The following UNC5A variants were observed in gnomAD, a reference collection of about 807,000 sequenced individuals.
UNC5A encodes unc-5 netrin receptor A, also known as netrin receptor UNC5A.
Under a neutral mutation model 87.4 loss-of-function variants are expected in UNC5A, and 20 were observed. That is an observed-to-expected ratio of 0.23 (90% CI 0.16 to 0.33). The LOEUF (loss-of-function observed/expected upper bound fraction) is 0.33, where lower values mean the gene tolerates loss of function less well. Among genes scored for constraint, UNC5A ranks in the 10% least tolerant of loss-of-function variants. The pLI, the probability that UNC5A is intolerant of heterozygous loss-of-function variation, is 1.00. For synonymous variants in UNC5A, 438 were observed against 482.3 expected (o/e 0.91, Z 1.20); for missense variants, 844 against 1,133.4 (o/e 0.74, Z 3.67).
intron 2 of UNC5A, among the ~76,000 whole-genome samples, chr5:176,867,072 T>C (rs1033838064): frequency 1.3e-5 from 2 of 152,214 alleles, no homozygotes; most frequent in African/African-American, 4.8e-5. Context: ...GCGGCCGCTC[T>C]TCCCGCAATG....
chr5:176,811,678 TG>T (rs1205179507), intron 1 of UNC5A, among the ~76,000 whole-genome samples: 1 of 152,098 alleles, frequency 6.6e-6, no homozygotes, highest in Admixed American at 6.5e-5. Flanking sequence ...GGCTGAGCTG[TG>T]GGGGCCTCCT....
At chr5:176,849,589 A>G (rs1757491265) in intron 1 of UNC5A, among the ~76,000 whole-genome samples, 1 of 152,216 alleles carries the variant, frequency 6.6e-6, no homozygotes, top group African/African-American at 2.4e-5. Flanking sequence ...AATTAAAAAA[A>G]TGGTGCACCT....
At chr5:176,849,892 T>C (rs1250406470) in intron 1 of UNC5A, among the ~76,000 whole-genome samples, 2 of 152,210 alleles carry the variant, frequency 1.3e-5, no homozygotes, top group African/African-American at 4.8e-5. Context: ...CTCTTGGAGC[T>C]TGTGGCAAGT....
At chr5:176,828,618 C>T (rs188182254) in intron 1 of UNC5A, among the ~76,000 whole-genome samples, 1 of 152,356 alleles carries the variant, frequency 6.6e-6, no homozygotes, top group Non-Finnish European at 1.5e-5. Context: ...AGCAGCCTGT[C>T]ACTCTCTGCT....
In UNC5A at chr5:176,862,643, C is replaced by T. The variant is rs756611268; in HGVS notation, c.90C>T (p.Thr30=). 15 of 1,613,324 alleles carry T rather than the reference C, an allele frequency of 9.3e-6. No homozygotes were observed. Among genetic ancestry groups the T allele is most frequent in the African/African-American group, 2.7e-5 (2 of 74,936 alleles). The change falls in exon 2 of 15, where the codon ACC becomes ACT. Residue 30 remains threonine, a synonymous_variant. Transcript: ENST00000329542. ...CCGCAGGTGCCCAGCAGAGTGCCAC[C>T]GTGGCCAACCCAGTGCCTGGTGCCA... The part of the protein sequence containing the change: ...LRGSGAQQSA[T]VANPVPGANP...
At position 176,866,322 on chromosome 5, in the gene UNC5A, C is replaced by A. The variant is rs1442558796; in HGVS notation, c.293-1808C>A. Among the ~76,000 whole-genome samples the A allele has an allele frequency of 2.0e-5, 3 of 152,198 alleles. No homozygotes were observed. The highest frequency in any genetic ancestry group is 2.0e-4 in the Admixed American group (3 of 15,288). Reference sequence around the variant, plus strand: ...TCCAGGAGCTTGTGGGGCTGAAGGGCACCCCTCACCAAGGCACTGCGTGGA... The same window carrying A: ...TCCAGGAGCTTGTGGGGCTGAAGGGAACCCCTCACCAAGGCACTGCGTGGA... On this transcript the variant is annotated intron_variant, in intron 2 of 14. Transcript: ENST00000329542. The surrounding 1 kb of genome is among the most constrained non-coding windows in gnomAD (Gnocchi z 5.0).
chr5:176,857,874 T>C (rs1481828135), intron 1 of UNC5A, among the ~76,000 whole-genome samples: 1 of 152,204 alleles, frequency 6.6e-6, no homozygotes, highest in Non-Finnish European at 1.5e-5. Flanking sequence ...TCACGTCCCT[T>C]GCCAGTGGGA....
Position 176,868,981 on chromosome 5 carries a change from C to T in UNC5A, c.721+17C>T, listed in dbSNP as rs575283763. 1 of 1,583,170 alleles carries T rather than the reference C, an allele frequency of 6.3e-7. No homozygotes were observed. The highest frequency in any genetic ancestry group is 2.3e-5 in the East Asian group (1 of 44,442). ...TCGTCTACGGTGGGCCCCGGGACTC[C>T]CTGGTCACAGGGAGAGGCACTGCGG... On this transcript the variant is annotated intron_variant, in intron 5 of 14. Transcript: ENST00000329542.
intron 1 of UNC5A, among the ~76,000 whole-genome samples, chr5:176,812,432 AG>A (rs1204788603): frequency 6.6e-6 from 1 of 152,222 alleles, no homozygotes; most frequent in Middle Eastern, 3.4e-3. Flanking sequence ...CCGGGTAACC[AG>A]GGGGGTTGGC....
At position 176,824,680 on chromosome 5, in the gene UNC5A, C is replaced by A. The variant is rs796274075; in HGVS notation, c.70+13860C>A. On this transcript the variant is annotated intron_variant, in intron 1 of 14. Coordinates refer to ENST00000329542, the MANE Select transcript of UNC5A (RefSeq NM_133369.3). This position sits in a 1 kb window ranked among gnomAD's most constrained non-coding sequence, Gnocchi z 4.2. ...TTTTCCTGGGTGGCTGGGGCTGGAA[C>A]CTGGATGCCACTTTGGCAGATGAAC... Among the ~76,000 whole-genome samples, 2 of 152,340 alleles carry A rather than the reference C, an allele frequency of 1.3e-5. No individual in the cohort carries two copies. Among genetic ancestry groups the A allele is most frequent in the East Asian group, 1.9e-4 (1 of 5,186 alleles).
rs2962829 is a variant in UNC5A at position 176,830,868 on chromosome 5, G to A, written c.70+20048G>A. Among the ~76,000 whole-genome samples the A allele has an allele frequency of 5.1e-3, 735 of 145,166 alleles. 4 individuals carry two copies. The highest frequency in any genetic ancestry group is 0.018 in the African/African-American group (700 of 39,594). ...TGTGTGTGCTGGCGTGTGTGTGTGC[G>A]CTGGTGTGTGTGTGGGTGTATGTGC... On this transcript the variant is annotated intron_variant, in intron 1 of 14. Coordinates refer to ENST00000329542, the MANE Select transcript of UNC5A (RefSeq NM_133369.3).
At chr5:176,861,728 A>G (rs79492074) in intron 1 of UNC5A, among the ~76,000 whole-genome samples, 1,901 of 152,292 alleles carry the variant, frequency 0.012, 46 homozygotes, top group African/African-American at 0.044. Flanking sequence ...CACTAAGATG[A>G]GCAGAATAGA....
intron 1 of UNC5A, among the ~76,000 whole-genome samples, chr5:176,837,125 C>A (rs188488304): frequency 8.5e-4 from 130 of 152,266 alleles, no homozygotes; most frequent in Admixed American, 2.4e-3. Flanking sequence ...CAGTCCCTCA[C>A]CCCCATTGCT....
In UNC5A at chr5:176,869,815, C is replaced by T. The variant is rs1016992257; in HGVS notation, c.722-555C>T. 1.7e-6 allele frequency: 1 copy of T among 585,210 alleles called. No homozygotes were observed. The allele number at this position is 585,210 out of a possible 1,614,324, so 36.3% of individuals were successfully genotyped here. ...GGCCACCGCCTCCCGCATCGTTCCT[C>T]ACCACGCCATCTCCGTGCCCTGGCT... On this transcript the variant is annotated intron_variant, in intron 5 of 14. Transcript: ENST00000329542. The surrounding 1 kb of genome is among the most constrained non-coding windows in gnomAD (Gnocchi z 9.1).
chr5:176,813,197 G>C (rs920335078), intron 1 of UNC5A, among the ~76,000 whole-genome samples: 1 of 152,210 alleles, frequency 6.6e-6, no homozygotes, highest in Admixed American at 6.5e-5. Context: ...CACGCAGCTG[G>C]CATGCAAACC....
rs139330841 is a variant in UNC5A, at chr5:176,865,845, C to G, written c.293-2285C>G. 0.025 allele frequency: 8,762 copies of G among 355,414 alleles called. 213 individuals are homozygous for G. Among genetic ancestry groups the G allele is most frequent in the South Asian group, 0.05 (2,388 of 48,080 alleles). The allele number at this position is 355,414 out of a possible 1,614,324, so 22.0% of individuals were successfully genotyped here. A position where few individuals can be genotyped will look rare whatever the true frequency, so the allele number is the denominator to read the frequency against. On this transcript the variant is annotated intron_variant, in intron 2 of 14. Transcript: ENST00000329542. The surrounding 1 kb of genome is among the most constrained non-coding windows in gnomAD (Gnocchi z 5.3). ...CCTCTCGTTTGCCCTCATTCCTCAC[C>G]CAGAAGGCCAGGGGGCAGGGACCAA...
intron 6 of UNC5A, among the ~76,000 whole-genome samples, chr5:176,872,597 A>C (rs1246128129): frequency 7.6e-6 from 1 of 132,272 alleles, no homozygotes; most frequent in Non-Finnish European, 1.6e-5. Context: ...CCAACACCAC[A>C]GCTTCCCATC....
intron 1 of UNC5A, among the ~76,000 whole-genome samples, chr5:176,843,832 C>T (rs1757338079): frequency 6.6e-6 from 1 of 152,216 alleles, no homozygotes; most frequent in African/African-American, 2.4e-5. Context: ...GCCGTCTTGC[C>T]CAGCCCTGGC....
intron 1 of UNC5A, among the ~76,000 whole-genome samples, chr5:176,817,459 G>C (rs528122609): frequency 1.3e-3 from 201 of 152,268 alleles, no homozygotes; most frequent in African/African-American, 4.5e-3. Flanking sequence ...GGGTCTACGG[G>C]AGTACTCCCT....
Sources: allele counts gnomAD v4.1 joint callset (sites outside exome capture counted in the v4.1 genomes callset), GRCh38; gene constraint gnomAD v4.1.1; non-coding constraint Gnocchi (gnomAD v3.1); transcripts MANE v1.5; gene names NCBI Gene and HGNC (gene_info 2026-07-23, HGNC 2026-07-21).